The following FRAS1 variants were observed in gnomAD, a reference collection of about 807,000 sequenced individuals.
FRAS1 encodes Fraser extracellular matrix complex subunit 1, also known as extracellular matrix organizing protein FRAS1.
A neutral mutation model predicts 435.2 loss-of-function variants in FRAS1; 290 were observed. The ratio of observed to expected loss-of-function variants is 0.67; its 90% CI spans 0.61 to 0.73. The LOEUF is 0.73. FRAS1 is among the 30% of genes least tolerant of loss of function. The pLI, the probability that FRAS1 is intolerant of heterozygous loss-of-function variation, is 0.00. For synonymous variants in FRAS1, 1,800 were observed against 1,851.0 expected, an observed-to-expected ratio of 0.97 and a Z score of 0.71; for missense variants, 4,860 against 5,001.5, an observed-to-expected ratio of 0.97 and a Z score of 0.85.
chr4:78,321,466 A>G (rs1296042714), intron 18 of FRAS1, among the ~76,000 whole-genome samples: 1 of 152,194 alleles, frequency 6.6e-6, no homozygotes, highest in Non-Finnish European at 1.5e-5. Flanking sequence ...CTAATGCTTC[A>G]GGGTTAGAGC....
At chr4:78,077,896 G>A (rs551660320) in intron 2 of FRAS1, among the ~76,000 whole-genome samples, 2 of 144,890 alleles carry the variant, frequency 1.4e-5, no homozygotes. Context: ...AAGCAATACA[G>A]CCTTGTTCTA....
At chr4:78,358,219 A>G (rs530253521) in intron 20 of FRAS1, among the ~76,000 whole-genome samples, 4 of 152,306 alleles carry the variant, frequency 2.6e-5, no homozygotes, top group Non-Finnish European at 4.4e-5. Flanking sequence ...AACTCTTTTC[A>G]TACTTAACCT....
chr4:78,412,930 T>C (rs1197461532), intron 31 of FRAS1, 39 bp from the exon 32 acceptor site: 8 of 1,331,374 alleles, frequency 6.0e-6, no homozygotes, highest in Non-Finnish European at 8.4e-6. Flanking sequence ...CTCTGCTCAA[T>C]AGAAGATGAG....
chr4:78,137,653 G>T lies in FRAS1; in HGVS notation c.108+71637G>T, dbSNP rs926316548. Among the ~76,000 whole-genome samples, 3 of 152,332 alleles carry T rather than the reference G, an allele frequency of 2.0e-5. No individual in the cohort carries two copies. The South Asian group carries it at 6.2e-4, about 32-fold the overall frequency. On this transcript the variant is annotated intron_variant, in intron 2 of 73. Coordinates refer to ENST00000512123, the MANE Select transcript of FRAS1 (RefSeq NM_025074.7). The stretch of plus-strand genomic sequence containing the variant: ...ACATCTGGTAAGTCATCTTGGCATT[G>T]TTGGGTGTCTCTTCACTTACTCTGT...
At chr4:78,322,177 A>G (rs1184944605) in intron 18 of FRAS1, among the ~76,000 whole-genome samples, 2 of 152,124 alleles carry the variant, frequency 1.3e-5, no homozygotes, top group Admixed American at 6.5e-5. Flanking sequence ...TGATTGATGT[A>G]TTTCCTGTCA....
chr4:78,195,947 CTTT>C (rs66606732), intron 2 of FRAS1, among the ~76,000 whole-genome samples: 45 of 145,912 alleles, frequency 3.1e-4, no homozygotes, highest in Non-Finnish European at 3.3e-4. Flanking sequence ...ATTCTTATTA[CTTT>C]TTTTTTTTTT....
intron 2 of FRAS1, among the ~76,000 whole-genome samples, chr4:78,217,778 C>A (rs1723832536): frequency 6.7e-6 from 1 of 149,890 alleles, no homozygotes; most frequent in Admixed American, 6.6e-5. Context: ...CATGAACCTA[C>A]AAGATATCTC....
At chr4:78,116,346 T>A (rs55794249) in intron 2 of FRAS1, among the ~76,000 whole-genome samples, 1 of 151,932 alleles carries the variant, frequency 6.6e-6, no homozygotes, top group Admixed American at 6.6e-5. Flanking sequence ...TCTATTAGGT[T>A]GCCTTGGTGC....
chr4:78,213,575 G>A (rs1387205235), intron 2 of FRAS1, among the ~76,000 whole-genome samples: 3 of 152,148 alleles, frequency 2.0e-5, no homozygotes, highest in Non-Finnish European at 2.9e-5. Context: ...AGCACATAGA[G>A]CTTTTGTAAT....
At chr4:78,334,240 A>G (rs1162718689) in intron 19 of FRAS1, among the ~76,000 whole-genome samples, 1 of 152,126 alleles carries the variant, frequency 6.6e-6, no homozygotes, top group African/African-American at 2.4e-5. Context: ...GAAGCAACAA[A>G]TATTACCCTG....
intron 2 of FRAS1, among the ~76,000 whole-genome samples, chr4:78,160,428 A>G (rs1721089486): frequency 6.6e-6 from 1 of 152,210 alleles, no homozygotes; most frequent in Non-Finnish European, 1.5e-5. Flanking sequence ...TTTCTCTTGA[A>G]TAGTGGGAAC....
intron 70 of FRAS1, among the ~76,000 whole-genome samples, chr4:78,531,530 T>C (rs565575859): frequency 2.0e-4 from 30 of 152,296 alleles, no homozygotes; most frequent in Non-Finnish European, 3.8e-4. Context: ...ACCTAGTTTA[T>C]GGAGAGTTTT....
rs372900028 is a variant in FRAS1, at chr4:78,335,466, C to T, written c.2278+2054C>T. Among the ~76,000 whole-genome samples, 16 of 152,332 alleles carry T rather than the reference C, an allele frequency of 1.1e-4. 1 individual carries two copies. The highest frequency in any genetic ancestry group is 9.6e-4 in the East Asian group (5 of 5,184). Reference sequence around the variant, plus strand: ...AACTGCAAGCTGCCTATCACCTAACCTAAGAAGTCTCACTGTCACTTCTGC... The same window carrying T: ...AACTGCAAGCTGCCTATCACCTAACTTAAGAAGTCTCACTGTCACTTCTGC... On this transcript the variant is annotated intron_variant, in intron 19 of 73. Coordinates refer to ENST00000512123, the MANE Select transcript of FRAS1 (RefSeq NM_025074.7).
At chr4:78,465,499 A>G (rs1719499611) in intron 49 of FRAS1, among the ~76,000 whole-genome samples, 1 of 152,240 alleles carries the variant, frequency 6.6e-6, no homozygotes, top group Non-Finnish European at 1.5e-5. Flanking sequence ...CAAAAGGGCA[A>G]GCTATGCAGT....
At chr4:78,508,700 C>T (rs1720927373) in intron 62 of FRAS1, 31 bp from the exon 63 acceptor site, 4 of 1,612,736 alleles carry the variant, frequency 2.5e-6, no homozygotes, top group Non-Finnish European at 3.4e-6. Context: ...CAATACCCAA[C>T]CTGAACTGAA....
chr4:78,514,919 T>C (rs946708800), intron 65 of FRAS1, among the ~76,000 whole-genome samples: 1 of 151,600 alleles, frequency 6.6e-6, no homozygotes, highest in African/African-American at 2.4e-5. Flanking sequence ...ACATAAAAAA[T>C]TAGCCAGGTG....
rs35373726 is a variant in FRAS1 at position 78,177,087 on chromosome 4, G to GTT, written c.109-60406_109-60405dup. On this transcript the variant is annotated intron_variant, in intron 2 of 73. Transcript: ENST00000512123. ...GGGAGGGAGAGAGAGAGTGATGTGA[G>GTT]TTTTTTTTTTTTTTTTTTGAGACAG... is the stretch of plus-strand genomic sequence containing the variant. 2.0e-3 allele frequency among the ~76,000 whole-genome samples: 265 copies of GTT among 133,304 alleles called. 4 individuals are homozygous for GTT. The highest frequency in any genetic ancestry group is 6.9e-3 in the African/African-American group (254 of 36,800). The allele number at this position is 133,304 out of a possible 152,430, so 87.5% of individuals were successfully genotyped here. A position where few individuals can be genotyped will look rare whatever the true frequency, so the allele number is the denominator to read the frequency against.
At chr4:78,085,592 G>A (rs148373016) in intron 2 of FRAS1, among the ~76,000 whole-genome samples, 22 of 152,226 alleles carry the variant, frequency 1.4e-4, no homozygotes, top group African/African-American at 4.6e-4. Context: ...GACATGAGAC[G>A]AAGGAAGGAG....
At chr4:78,076,379 T>C (rs1173101853) in intron 2 of FRAS1, among the ~76,000 whole-genome samples, 3 of 152,182 alleles carry the variant, frequency 2.0e-5, no homozygotes, top group Non-Finnish European at 4.4e-5. Flanking sequence ...TGATGTAATC[T>C]TTTTTCTTCC....
Sources: gnomAD v4.1 joint callset for allele counts (sites outside exome capture counted in the v4.1 genomes callset) on GRCh38, gnomAD v4.1.1 for gene constraint, MANE v1.5 for transcripts, NCBI Gene and HGNC (gene_info 2026-07-23, HGNC 2026-07-21) for gene names.